Variants in MCTP2 observed in about 807,000 individuals in gnomAD.
MCTP2 encodes multiple C2 and transmembrane domain-containing protein 2.
MCTP2 carries 132 observed loss-of-function variants against 111.6 expected under a neutral mutation model. That is an observed-to-expected ratio of 1.18 (90% CI 1.03 to 1.37). MCTP2 has a LOEUF of 1.37. MCTP2 is among the 40% of genes most tolerant of loss of function. The pLI, the probability that MCTP2 is intolerant of heterozygous loss-of-function variation, is 0.00. For synonymous variants in MCTP2, 395 were observed against 387.7 expected (o/e 1.02, Z -0.22); for missense variants, 1,183 against 1,067.9 (o/e 1.11, Z -1.50).
Position 94,384,059 on chromosome 15 carries a change from T to C in MCTP2, c.1620T>C (p.Asn540=). ...SDPFCLLELG[N]DRLQTHTVYK... ...CATTTTGCTTGTTGGAGTTAGGCAATGACCGACTTCAGACGCATACCGTCT... is the reference window on the plus strand; with the variant it reads ...CATTTTGCTTGTTGGAGTTAGGCAACGACCGACTTCAGACGCATACCGTCT... The change falls in exon 13 of 23, where the codon AAT becomes AAC. Residue 540 remains asparagine, a synonymous_variant. Transcript: ENST00000357742. 2 of 1,613,982 alleles carry C rather than the reference T, an allele frequency of 1.2e-6. No homozygotes were observed. Among genetic ancestry groups the C allele is most frequent in the Non-Finnish European group, 1.7e-6 (2 of 1,179,928 alleles).
chr15:94,266,357 T>C (rs748480436), intron 1 of MCTP2, among the ~76,000 whole-genome samples: 1 of 152,224 alleles, frequency 6.6e-6, no homozygotes, highest in African/African-American at 2.4e-5. Flanking sequence ...TAATTATTTG[T>C]CTGTCTCCTC....
chr15:94,322,349 C>T (rs1474745736), intron 4 of MCTP2, among the ~76,000 whole-genome samples: 2 of 151,534 alleles, frequency 1.3e-5, no homozygotes, highest in East Asian at 1.9e-4. Flanking sequence ...TCACTCTCTG[C>T]TAAGGAAGGA....
Position 94,470,528 on chromosome 15 carries a change from A to G in MCTP2, c.2470+86A>G, listed in dbSNP as rs111968694. The G allele has an allele frequency of 1.3e-3, 1,288 of 992,246 alleles. 7 individuals carry two copies. The African/African-American group carries it at 0.018, about 14-fold the overall frequency. The allele number at this position is 992,246 out of a possible 1,614,324, so 61.5% of individuals were successfully genotyped here. ...TTTAAAGTGCGACTATTAATTTTAA[A>G]TGTGCTCTTGTTGGCAATTAAACAT... On this transcript the variant is annotated intron_variant, in intron 21 of 22. Transcript: ENST00000357742.
rs1477837259 is a variant in MCTP2, at chr15:94,384,253, T to C, written c.1685+129T>C. On this transcript the variant is annotated intron_variant, in intron 13 of 22. Transcript: ENST00000357742. ...TATTGTTTTTTTCTTTTGAAAACCT[T>C]GTATCCTTTCATTTTTATAGAGTGT... is the stretch of plus-strand genomic sequence containing the variant. 26 of 587,382 alleles carry C rather than the reference T, an allele frequency of 4.4e-5. 1 individual carries two copies. The highest frequency in any genetic ancestry group is 2.5e-4 in the Middle Eastern group (1 of 3,930). 36.4% of individuals were successfully genotyped at this position (587,382 alleles called of 1,614,324 possible). A position where few individuals can be genotyped will look rare whatever the true frequency, so the allele number is the denominator to read the frequency against.
chr15:94,479,433 G>A lies in MCTP2; in HGVS notation c.*399G>A, dbSNP rs147329722. On this transcript the variant is annotated 3_prime_UTR_variant, in exon 23 of 23. Transcript: ENST00000357742. Reference sequence around the variant, plus strand: ...CTCTCATTAAGATTCAGTTATTTCCGCTCCCCAGCCCCACACTCCTTTCAG... The same window carrying A: ...CTCTCATTAAGATTCAGTTATTTCCACTCCCCAGCCCCACACTCCTTTCAG... 2.6e-4 allele frequency: 54 copies of A among 207,598 alleles called. No individual in the cohort carries two copies. The highest frequency in any genetic ancestry group is 1.5e-3 in the South Asian group (12 of 7,750). 12.9% of individuals were successfully genotyped at this position (207,598 alleles called of 1,614,324 possible). A position where few individuals can be genotyped will look rare whatever the true frequency, so the allele number is the denominator to read the frequency against.
intron 17 of MCTP2, among the ~76,000 whole-genome samples, chr15:94,418,601 C>G (rs2082480780): frequency 6.6e-6 from 1 of 152,046 alleles, no homozygotes; most frequent in Admixed American, 6.6e-5. Context: ...TCATTTAGTT[C>G]AGTGCTTTTC....
intron 8 of MCTP2, among the ~76,000 whole-genome samples, chr15:94,348,376 C>G (rs1046071087): frequency 7.7e-6 from 1 of 129,402 alleles, no homozygotes; most frequent in Non-Finnish European, 1.7e-5. Context: ...CCTTCTCTCT[C>G]TCCCTCTCCG....
rs572523829 is a variant in MCTP2, at chr15:94,267,914, A to G, written c.-65-30287A>G. On this transcript the variant is annotated intron_variant, in intron 1 of 22. Transcript: ENST00000357742. Reference sequence around the variant, plus strand: ...AGAGTCTTGCTCTGTCGCCCAGGCTAGAGTGCAGAGGCGTGATCTTGGCTC... The same window carrying G: ...AGAGTCTTGCTCTGTCGCCCAGGCTGGAGTGCAGAGGCGTGATCTTGGCTC... 3.6e-3 allele frequency among the ~76,000 whole-genome samples: 399 copies of G among 109,924 alleles called. 2 individuals are homozygous for G. The highest frequency in any genetic ancestry group is 4.9e-3 in the Admixed American group (37 of 7,622). 72.1% of individuals were successfully genotyped at this position (109,924 alleles called of 152,430 possible).
intron 1 of MCTP2, among the ~76,000 whole-genome samples, chr15:94,297,972 T>C (rs1331427811): frequency 6.6e-6 from 1 of 152,204 alleles, no homozygotes; most frequent in Non-Finnish European, 1.5e-5. Flanking sequence ...TTCTTCGTTT[T>C]AATGTTTCTA....
At chr15:94,417,962 TA>T (rs1341147311) in intron 17 of MCTP2, among the ~76,000 whole-genome samples, 1 of 152,064 alleles carries the variant, frequency 6.6e-6, no homozygotes, top group African/African-American at 2.4e-5. Flanking sequence ...GTGCCAGAAA[TA>T]AAGCTGCAAG....
At chr15:94,246,799 C>A (rs1048326664) in intron 1 of MCTP2, among the ~76,000 whole-genome samples, 1 of 152,164 alleles carries the variant, frequency 6.6e-6, no homozygotes, top group African/African-American at 2.4e-5. Flanking sequence ...CTGACACTGG[C>A]ATTGATGGAA....
At chr15:94,265,158 A>T (rs748536588) in intron 1 of MCTP2, among the ~76,000 whole-genome samples, 8 of 152,222 alleles carry the variant, frequency 5.3e-5, no homozygotes, top group Non-Finnish European at 1.2e-4. Flanking sequence ...CCTACCTATG[A>T]GGCAATAACT....
intron 17 of MCTP2, among the ~76,000 whole-genome samples, chr15:94,409,911 T>C (rs1348855284): frequency 7.9e-6 from 1 of 126,890 alleles, no homozygotes; most frequent in Non-Finnish European, 1.6e-5. Context: ...CTCTCTCTCC[T>C]TCCTCCTCAC....
chr15:94,364,186 G>C (rs1462984292), intron 10 of MCTP2, among the ~76,000 whole-genome samples: 1 of 147,270 alleles, frequency 6.8e-6, no homozygotes, highest in Admixed American at 6.7e-5. Flanking sequence ...TGTAAATAAA[G>C]GTTTTTTTTG....
chr15:94,427,317 G>A (rs1279208333), intron 17 of MCTP2, among the ~76,000 whole-genome samples: 2 of 152,070 alleles, frequency 1.3e-5, no homozygotes, highest in South Asian at 2.1e-4. Flanking sequence ...CCATTCTCAC[G>A]CTGATATGAA....
intron 1 of MCTP2, among the ~76,000 whole-genome samples, chr15:94,240,635 A>G (rs1248184595): frequency 6.6e-6 from 1 of 152,180 alleles, no homozygotes; most frequent in African/African-American, 2.4e-5. Context: ...GTGAAGATAA[A>G]CGCAGCATGG....
chr15:94,458,367 C>A (rs1567750476), intron 20 of MCTP2, 121 bp downstream of exon 20: 7 of 670,736 alleles, frequency 1.0e-5, no homozygotes, highest in Non-Finnish European at 1.9e-5. Flanking sequence ...ACCAAAGCAA[C>A]ACTGTTGGGT....
intron 12 of MCTP2, among the ~76,000 whole-genome samples, chr15:94,375,563 A>G (rs551401821): frequency 2.0e-5 from 3 of 152,284 alleles, no homozygotes; most frequent in East Asian, 1.9e-4. Context: ...ACCCTTTGCC[A>G]TTAAAAACAA....
chr15:94,318,410 A>G (rs1596343221), intron 4 of MCTP2, among the ~76,000 whole-genome samples: 1 of 151,794 alleles, frequency 6.6e-6, no homozygotes, highest in Admixed American at 6.6e-5. Flanking sequence ...CAGCCTCCCA[A>G]ATAGCTGGGA....
Sources: gnomAD v4.1 joint callset for allele counts (sites outside exome capture counted in the v4.1 genomes callset) on GRCh38, gnomAD v4.1.1 for gene constraint, MANE v1.5 for transcripts, NCBI Gene and HGNC (gene_info 2026-07-23, HGNC 2026-07-21) for gene names.